Variants in SYNE1 observed in about 807,000 individuals in gnomAD.
SYNE1 encodes the protein nesprin-1.
SYNE1 carries 616 observed loss-of-function variants against 1,111.0 expected under a neutral mutation model. That is an observed-to-expected ratio of 0.55 (90% CI 0.52 to 0.59). The LOEUF is 0.59. Ranked by LOEUF, SYNE1 falls within the 20% of genes least tolerant of loss-of-function variation. The pLI, the probability that SYNE1 is intolerant of heterozygous loss-of-function variation, is 0.00. For synonymous variants in SYNE1, 3,855 were observed against 3,825.8 expected (o/e 1.01, Z -0.28); for missense variants, 10,006 against 10,417.0 (o/e 0.96, Z 1.72).
At chr6:152,213,838 T>C in intron 122 of SYNE1, 79 bp from the exon 123 acceptor site, 1 of 1,579,074 alleles carries the variant, frequency 6.3e-7, no homozygotes, top group South Asian at 1.1e-5. Flanking sequence ...CTAGATTAAA[T>C]AATCTCTGTG....
Position 152,486,064 on chromosome 6 carries a change from G to T in SYNE1, c.1048-1092C>A, listed in dbSNP as rs187695272. On this transcript the variant is annotated intron_variant, in intron 12 of 145. Coordinates refer to ENST00000367255, the MANE Select transcript of SYNE1 (RefSeq NM_182961.4). The stretch of plus-strand genomic sequence containing the variant: ...ACAAAAATTAGCTGAGCATAGTGGC[G>T]CATGCCTGTAGTCCCAGCTACTCAG... Among the ~76,000 whole-genome samples the T allele has an allele frequency of 7.9e-5, 12 of 152,000 alleles. No homozygotes were observed. In the East Asian group the frequency reaches 2.1e-3, roughly 27 times the overall value.
Position 152,318,890 on chromosome 6 carries a change from A to G in SYNE1, c.16362T>C (p.Asn5454=). The part of the protein sequence containing the change: ...ILTKLKAKTD[N]VVQAKTDQKV... ...TTTGGTCAGTTTTAGCTTGAACTAC[A>G]TTATCTGTCTTCGCTTTCAGCTTAG... The change falls in exon 85 of 146, where the codon AAT becomes AAC. Residue 5454 remains asparagine (N), a synonymous_variant. Coordinates refer to ENST00000367255, the MANE Select transcript of SYNE1 (RefSeq NM_182961.4). 2 of 1,614,166 alleles carry G rather than the reference A, an allele frequency of 1.2e-6. No individual in the cohort carries two copies. Among genetic ancestry groups the G allele is most frequent in the Non-Finnish European group, 1.7e-6 (2 of 1,180,016 alleles).
At position 152,334,399 on chromosome 6, in the gene SYNE1, G is replaced by A. The variant is rs1009297184; in HGVS notation, c.12529-126C>T. 6.7e-6 allele frequency: 7 copies of A among 1,048,176 alleles called. No individual in the cohort carries two copies. The African/African-American group carries it at 8.1e-5, about 12-fold the overall frequency. 64.9% of individuals were successfully genotyped at this position (1,048,176 alleles called of 1,614,324 possible). A position where few individuals can be genotyped will look rare whatever the true frequency, so the allele number is the denominator to read the frequency against. On this transcript the variant is annotated intron_variant, in intron 76 of 145. Transcript: ENST00000367255. ...CTTAATATGAAAAAAACTGAAGAAT[G>A]TATAATAAGTTATGGGAAACAAAGA...
Position 152,401,182 on chromosome 6 carries a change from T to A in SYNE1, c.6985A>T (p.Asn2329Tyr). 6.2e-7 allele frequency: 1 copy of A among 1,614,168 alleles called. No homozygotes were observed. Among genetic ancestry groups the A allele is most frequent in the Non-Finnish European group, 8.5e-7 (1 of 1,180,026 alleles). The change falls in exon 47 of 146, where the codon AAC becomes TAC. Residue 2329 changes from asparagine (N) to tyrosine (Y), a missense_variant. Around this residue, in one of 7 missense-constraint regions of SYNE1, gnomAD observed 4,955 missense variants for 5,017.2 expected, o/e 0.99. Transcript: ENST00000367255. ...WFTKVEESLM[N>Y]CAQNETCEAL... ...TCACAAGTCTCATTTTGGGCACAGT[T>A]CATCAACGATTCTTCCACTTTTGTG...
chr6:152,337,742 C>G (rs1190837395), intron 75 of SYNE1, among the ~76,000 whole-genome samples: 1 of 152,206 alleles, frequency 6.6e-6, no homozygotes, highest in African/African-American at 2.4e-5. Context: ...CACATTTGTT[C>G]ATCTGTCTTA....
intron 4 of SYNE1, among the ~76,000 whole-genome samples, chr6:152,527,397 T>C (rs752575681): frequency 1.3e-5 from 2 of 152,226 alleles, no homozygotes; most frequent in Non-Finnish European, 2.9e-5. Context: ...AACAGAGTTT[T>C]CATTTTTGAT....
At chr6:152,623,100 T>C (rs966427651) in intron 3 of SYNE1, among the ~76,000 whole-genome samples, 1 of 152,062 alleles carries the variant, frequency 6.6e-6, no homozygotes, top group African/African-American at 2.4e-5. Flanking sequence ...CTTCAAACCA[T>C]ACTGCAGGGC....
chr6:152,184,189 A>T (rs766679461), intron 128 of SYNE1, among the ~76,000 whole-genome samples: 38 of 152,172 alleles, frequency 2.5e-4, no homozygotes, highest in Non-Finnish European at 4.6e-4. Flanking sequence ...TTATCCCAGC[A>T]CTTTCGGAGA....
At chr6:152,553,494 C>T (rs998223052) in intron 3 of SYNE1, among the ~76,000 whole-genome samples, 1 of 152,132 alleles carries the variant, frequency 6.6e-6, no homozygotes, top group African/African-American at 2.4e-5. Flanking sequence ...CAATAGAGCA[C>T]CTCCAAGCTA....
At chr6:152,328,380 TTTTATTTATTTATTTATTTATTTA>T (rs56379838) in intron 78 of SYNE1, among the ~76,000 whole-genome samples, 2 of 137,512 alleles carry the variant, frequency 1.5e-5, no homozygotes, top group Admixed American at 7.2e-5. Flanking sequence ...TCTTATTTTA[TTTTATTTATTTATTTATTTATTTA>T]TTTATTTATT....
chr6:152,296,193 C>T (rs900295706), intron 93 of SYNE1, among the ~76,000 whole-genome samples: 1 of 152,190 alleles, frequency 6.6e-6, no homozygotes, highest in East Asian at 1.9e-4. Context: ...CCTTGCCAGA[C>T]CTCTAGCATT....
chr6:152,145,767 G>A, intron 137 of SYNE1: 2 of 525,690 alleles, frequency 3.8e-6, no homozygotes, highest in East Asian at 3.9e-5. Flanking sequence ...GCTCACGCCT[G>A]TAATCCCAGC....
chr6:152,363,297 A>G (rs1217064561), intron 63 of SYNE1, among the ~76,000 whole-genome samples: 4 of 148,276 alleles, frequency 2.7e-5, no homozygotes, highest in Non-Finnish European at 6.0e-5. Context: ...GATCAAGGCC[A>G]TCCTGGCTAA....
At chr6:152,219,765 A>G (rs1419414000) in intron 119 of SYNE1, among the ~76,000 whole-genome samples, 1 of 152,210 alleles carries the variant, frequency 6.6e-6, no homozygotes, top group Non-Finnish European at 1.5e-5. Context: ...AGTAGCCTGT[A>G]TTCCCATTCT....
At chr6:152,527,199 A>G (rs1309789817) in intron 4 of SYNE1, among the ~76,000 whole-genome samples, 2 of 152,216 alleles carry the variant, frequency 1.3e-5, no homozygotes, top group Non-Finnish European at 2.9e-5. Context: ...ATTTAACTCC[A>G]AATGTTTGGT....
At position 152,309,862 on chromosome 6, in the gene SYNE1, G is replaced by A. The variant is rs200002217; in HGVS notation, c.17175C>T (p.Thr5725=). Reference sequence around the variant, plus strand: ...GCATGATGTTACACTGCTGGATGGCGGTGTGCTGCAGCCGGCTGGCCTCTT... The same window carrying A: ...GCATGATGTTACACTGCTGGATGGCAGTGTGCTGCAGCCGGCTGGCCTCTT... ...LQEEASRLQH[T]AIQQCNIMQE... The change falls in exon 90 of 146, where the codon ACC becomes ACT. Residue 5725 remains threonine (T), a synonymous_variant. Transcript: ENST00000367255. 169 of 1,613,982 alleles carry A rather than the reference G, an allele frequency of 1.0e-4. 2 individuals are homozygous for A. The East Asian group carries it at 1.5e-3, about 14-fold the overall frequency.
Position 152,334,203 on chromosome 6 carries a change from G to A in SYNE1, c.12599C>T (p.Thr4200Ile). ...GTGTTCAGGCGATTCCTCCTTCTTTGTTAACTTATTCACCTTTTCTATTAT... is the reference window on the plus strand; with the variant it reads ...GTGTTCAGGCGATTCCTCCTTCTTTATTAACTTATTCACCTTTTCTATTAT... ...NTIIEKVNKL[T>I]KKEESPEHKE... The change falls in exon 77 of 146, where the codon ACA (threonine) becomes ATA (isoleucine). Residue 4200 changes from threonine to isoleucine, a missense_variant. Thr to Ile is a moderately conservative substitution (Grantham distance 89). This residue lies in a region of SYNE1 where 4,955 missense variants were observed against 5,017.2 expected (regional missense o/e 0.99). Coordinates refer to ENST00000367255, the MANE Select transcript of SYNE1 (RefSeq NM_182961.4). 1 of 1,614,000 alleles carries A rather than the reference G, an allele frequency of 6.2e-7. No individual in the cohort carries two copies. The highest frequency in any genetic ancestry group is 1.3e-5 in the African/African-American group (1 of 75,024).
rs1053343071 is a variant in SYNE1 at position 152,148,059 on chromosome 6, G to A, written c.24962C>T (p.Ala8321Val). The part of the protein sequence containing the change: ...QDDKDFYLRG[A>V]VGLSGDHSAL... ...CTCTTTCCTACCTGATAAGCCAACA[G>A]CTCCCCGGAGGTAGAAATCTTTGTC... The change falls in exon 137 of 146, where the codon GCT becomes GTT. Residue 8321 changes from alanine (A) to valine (V), a missense_variant. Ala to Val is a moderately conservative substitution (Grantham distance 64). This residue lies in a region of SYNE1 where 761 missense variants were observed against 795.5 expected (regional missense o/e 0.96). Transcript: ENST00000367255. This position sits in a 1 kb window ranked among gnomAD's most constrained non-coding sequence, Gnocchi z 4.1. 6 of 1,613,986 alleles carry A rather than the reference G, an allele frequency of 3.7e-6. No homozygotes were observed. Among genetic ancestry groups the A allele is most frequent in the Non-Finnish European group, 5.1e-6 (6 of 1,180,002 alleles).
At chr6:152,232,947 T>G (rs546340008) in intron 112 of SYNE1, among the ~76,000 whole-genome samples, 123 of 152,326 alleles carry the variant, frequency 8.1e-4, no homozygotes, top group Non-Finnish European at 1.3e-3. Context: ...GCACAGCTGT[T>G]GCTTAGGAGA....
Sources: gnomAD v4.1 joint callset for allele counts (sites outside exome capture counted in the v4.1 genomes callset) on GRCh38, gnomAD v4.1.1 for gene constraint, gnomAD v4.1.1 regional missense constraint, Gnocchi (gnomAD v3.1) non-coding constraint, MANE v1.5 for transcripts, NCBI Gene and HGNC (gene_info 2026-07-23, HGNC 2026-07-21) for gene names.